NKIRAS1: variants seen among roughly 807,000 people sequenced by gnomAD.
NKIRAS1 encodes NF-kappa-B inhibitor-interacting Ras-like protein 1.
A neutral mutation model predicts 19.8 loss-of-function variants in NKIRAS1; 16 were observed. The observed-to-expected ratio is 0.81, with a 90% CI of 0.55 to 1.23. The LOEUF is 1.23. Among genes scored for constraint, NKIRAS1 ranks in the 50% most tolerant of loss-of-function variants. The pLI, the probability that NKIRAS1 is intolerant of heterozygous loss-of-function variation, is 0.00. For missense variants in NKIRAS1, 184 were observed against 220.0 expected (o/e 0.84, Z 1.04); for synonymous variants, 88 against 79.0 (o/e 1.11, Z -0.61).
At chr3:23,933,585 G>T (rs1229549409) in intron 1 of NKIRAS1, among the ~76,000 whole-genome samples, 2 of 152,142 alleles carry the variant, frequency 1.3e-5, no homozygotes, top group African/African-American at 2.4e-5. Flanking sequence ...CACATATGGG[G>T]TTTGGGGATA....
intron 1 of NKIRAS1, among the ~76,000 whole-genome samples, chr3:23,937,613 C>T (rs1041829147): frequency 7.9e-5 from 12 of 150,966 alleles, no homozygotes; most frequent in East Asian, 1.9e-4. Flanking sequence ...TAACTGTGAC[C>T]GAGAGTATTG....
At chr3:23,898,598 C>A (rs1005707538) in intron 4 of NKIRAS1, among the ~76,000 whole-genome samples, 2 of 152,082 alleles carry the variant, frequency 1.3e-5, no homozygotes, top group African/African-American at 2.4e-5. Flanking sequence ...CGTGTGCTAC[C>A]ACGCCAGGCT....
upstream of NKIRAS1, chr3:23,919,568 G>A (rs775632153): frequency 2.5e-4 from 365 of 1,436,346 alleles, no homozygotes; most frequent in Non-Finnish European, 3.1e-4. Flanking sequence ...GCTTACAGGT[G>A]TTATTTGTCT....
At chr3:23,901,342 G>A (rs1467154301) in intron 3 of NKIRAS1, among the ~76,000 whole-genome samples, 3 of 151,814 alleles carry the variant, frequency 2.0e-5, no homozygotes, top group Non-Finnish European at 2.9e-5. Flanking sequence ...GTGCCATCAT[G>A]CCCAGTGAAT....
intron 4 of NKIRAS1, among the ~76,000 whole-genome samples, chr3:23,896,277 A>G (rs1282530971): frequency 2.0e-5 from 3 of 151,778 alleles, no homozygotes; most frequent in African/African-American, 7.3e-5. Flanking sequence ...TAGTCCCCTC[A>G]TCATCAATTT....
At chr3:23,943,879 G>A (rs894743448) in intron 1 of NKIRAS1, among the ~76,000 whole-genome samples, 11 of 152,218 alleles carry the variant, frequency 7.2e-5, no homozygotes, top group Non-Finnish European at 1.3e-4. Flanking sequence ...AGCAGGTCAG[G>A]TTAAGTCGTT....
intron 1 of NKIRAS1, among the ~76,000 whole-genome samples, chr3:23,928,789 C>T (rs958635655): frequency 6.7e-6 from 1 of 148,554 alleles, no homozygotes; most frequent in African/African-American, 2.5e-5. Flanking sequence ...CTCAGGAGTA[C>T]AAGACCTGCC....
chr3:23,896,172 G>A (rs1401412444), intron 4 of NKIRAS1, among the ~76,000 whole-genome samples: 2 of 138,760 alleles, frequency 1.4e-5, no homozygotes, highest in African/African-American at 5.3e-5. Flanking sequence ...ACATTCTTCC[G>A]CCACCACATC....
chr3:23,944,504 T>C (rs1417257697), intron 1 of NKIRAS1, among the ~76,000 whole-genome samples: 2 of 152,222 alleles, frequency 1.3e-5, no homozygotes, highest in Non-Finnish European at 2.9e-5. Context: ...TCAGCACGCA[T>C]ACAATTTATG....
Position 23,891,718 on chromosome 3 carries a change from C to T in NKIRAS1, c.*1377G>A, listed in dbSNP as rs758405531. 6.6e-6 allele frequency: 1 copy of T among 152,192 alleles called. No homozygotes were observed. The highest frequency in any genetic ancestry group is 2.4e-5 in the African/African-American group (1 of 41,440). 9.4% of individuals were successfully genotyped at this position (152,192 alleles called of 1,614,324 possible). A position where few individuals can be genotyped will look rare whatever the true frequency, so the allele number is the denominator to read the frequency against. On this transcript the variant is annotated 3_prime_UTR_variant, in exon 5 of 5. Coordinates refer to ENST00000425478, the MANE Select transcript of NKIRAS1 (RefSeq NM_020345.4). Reference sequence around the variant, plus strand: ...AGAGAAACTTATCTGGATACACATACATTCATTACAGAATTTAAAAAGAAT... The same window carrying T: ...AGAGAAACTTATCTGGATACACATATATTCATTACAGAATTTAAAAAGAAT...
chr3:23,893,404 A>T (rs535892695), intron 4 of NKIRAS1, 67 bp from the exon 5 acceptor site: 2 of 1,413,190 alleles, frequency 1.4e-6, no homozygotes, highest in Non-Finnish European at 1.9e-6. Context: ...GGCAAAATGG[A>T]GACATAAGGA....
chr3:23,913,199 A>G (rs924661595), intron 1 of NKIRAS1, among the ~76,000 whole-genome samples: 1 of 152,206 alleles, frequency 6.6e-6, no homozygotes, highest in African/African-American at 2.4e-5. Flanking sequence ...TGTATATATT[A>G]ATAAATTGGG....
At chr3:23,936,559 T>C (rs531585021) in intron 1 of NKIRAS1, among the ~76,000 whole-genome samples, 2 of 152,270 alleles carry the variant, frequency 1.3e-5, no homozygotes, top group South Asian at 2.1e-4. Context: ...CTTTTTTTTT[T>C]CTTTTGAGAC....
intron 4 of NKIRAS1, among the ~76,000 whole-genome samples, chr3:23,894,617 T>C (rs188798553): frequency 0.01 from 1,590 of 152,250 alleles, 12 homozygotes; most frequent in Non-Finnish European, 0.016. Context: ...TAACCCCCAC[T>C]GCATCCTCCA....
At chr3:23,934,855 A>C (rs1268557614) in intron 1 of NKIRAS1, among the ~76,000 whole-genome samples, 1 of 151,542 alleles carries the variant, frequency 6.6e-6, no homozygotes, top group South Asian at 2.1e-4. Context: ...CTTACAGAGA[A>C]TATCAGAAGA....
At chr3:23,938,562 A>G (rs1247413198) in intron 1 of NKIRAS1, among the ~76,000 whole-genome samples, 2 of 152,054 alleles carry the variant, frequency 1.3e-5, no homozygotes, top group African/African-American at 4.8e-5. Context: ...GGTGCACTGT[A>G]TATGTGCGTG....
At chr3:23,928,291 A>AAAATAAAT (rs71622762) in intron 1 of NKIRAS1, among the ~76,000 whole-genome samples, 5,902 of 144,714 alleles carry the variant, frequency 0.041, 146 homozygotes, top group South Asian at 0.071. Flanking sequence ...CTCTGTCTCA[A>AAAATAAAT]AAATAAATAA....
intron 1 of NKIRAS1, chr3:23,946,042 C>G: frequency 1.1e-6 from 1 of 946,416 alleles, no homozygotes; most frequent in Non-Finnish European, 1.3e-6. Context: ...CGCGCGCGCG[C>G]GCGCTGGCTG....
intron 1 of NKIRAS1, among the ~76,000 whole-genome samples, chr3:23,913,733 T>C (rs1263016569): frequency 2.0e-5 from 3 of 152,338 alleles, no homozygotes; most frequent in Non-Finnish European, 2.9e-5. Context: ...CACCAGTTCC[T>C]GCGAAATATA....
Sources: gnomAD v4.1 joint callset for allele counts (sites outside exome capture counted in the v4.1 genomes callset) on GRCh38, gnomAD v4.1.1 for gene constraint, MANE v1.5 for transcripts, NCBI Gene and HGNC (gene_info 2026-07-23, HGNC 2026-07-21) for gene names.